KRT33A: variants seen among roughly 807,000 people sequenced by gnomAD.
KRT33A encodes keratin, type I cuticular Ha3-I.
In KRT33A, 44 loss-of-function variants were observed where a neutral mutation model predicts 41.1. That is an observed-to-expected ratio of 1.07 (90% CI 0.84 to 1.38). The LOEUF (loss-of-function observed/expected upper bound fraction) is 1.38. Among genes scored for constraint, KRT33A ranks in the 40% most tolerant of loss-of-function variants. KRT33A has a pLI of 0.00. For missense variants in KRT33A, 536 were observed against 518.5 expected, an observed-to-expected ratio of 1.03 and a Z score of -0.33; for synonymous variants, 229 against 227.8, an observed-to-expected ratio of 1.01 and a Z score of -0.05.
chr17:41,347,448 C>T (rs564348305), intron 3 of KRT33A, among the ~76,000 whole-genome samples: 1 of 152,342 alleles, frequency 6.6e-6, no homozygotes, highest in South Asian at 2.1e-4. Context: ...AAATGTATCA[C>T]TCCTCATTTA....
At chr17:41,349,507 CT>C (rs2017474743) in intron 1 of KRT33A, 79 bp from the exon 2 acceptor site, 1 of 1,414,620 alleles carries the variant, frequency 7.1e-7, no homozygotes, top group Non-Finnish European at 1.0e-6. Flanking sequence ...AATTCACTTC[CT>C]TGGAAGGATC....
Position 41,346,984 on chromosome 17 carries a change from G to A in KRT33A, c.751-15C>T. 1 of 1,613,784 alleles carries A rather than the reference G, an allele frequency of 6.2e-7. No individual in the cohort carries two copies. The highest frequency in any genetic ancestry group is 8.5e-7 in the Non-Finnish European group (1 of 1,179,886). ...AGCTCCTCGGTCTGAAACACCCAAGGGGAGAAAGGATCAGACCCTGCCTCC... is the reference window on the plus strand; with the variant it reads ...AGCTCCTCGGTCTGAAACACCCAAGAGGAGAAAGGATCAGACCCTGCCTCC... On this transcript the variant is annotated splice_polypyrimidine_tract_variant and intron_variant, in intron 4 of 6. Transcript: ENST00000007735.
chr17:41,346,207 T>C lies in KRT33A; in HGVS notation c.1127A>G (p.Asn376Ser). The C allele has an allele frequency of 6.2e-7, 1 of 1,613,978 alleles. No homozygotes were observed. The highest frequency in any genetic ancestry group is 8.5e-7 in the Non-Finnish European group (1 of 1,179,942). ...KLPSNPCATT[N>S]ACDKSTGPCI... ...GGGCCCAGTGGACTTGTCACATGCA[T>C]TGGTTGTGGCGCAGGGGTTGGAGGG... The change falls in exon 7 of 7, where the codon AAT becomes AGT. Residue 376 changes from asparagine (N) to serine (S), a missense_variant. Asn to Ser is a conservative substitution (Grantham distance 46). Coordinates refer to ENST00000007735, the MANE Select transcript of KRT33A (RefSeq NM_004138.4).
Position 41,350,461 on chromosome 17 carries a change from A to G in KRT33A, c.307T>C (p.Tyr103His). The G allele has an allele frequency of 6.2e-7, 1 of 1,614,058 alleles. No homozygotes were observed. Among genetic ancestry groups the G allele is most frequent in the Non-Finnish European group, 8.5e-7 (1 of 1,180,026 alleles). The change falls in exon 1 of 7, where the codon TAC becomes CAC. Residue 103 changes from tyrosine (Y) to histidine (H), a missense_variant. Tyr to His is a moderately conservative substitution (Grantham distance 83). Coordinates refer to ENST00000007735, the MANE Select transcript of KRT33A (RefSeq NM_004138.4). ...QQQEPLVCAS[Y>H]QSYFKTIEEL... is the part of the protein sequence containing the mutation. ...TCAATGGTCTTGAAGTAGGACTGGTAGCTGGCACACACCAAGGGCTCCTGC... is the reference window on the plus strand; with the variant it reads ...TCAATGGTCTTGAAGTAGGACTGGTGGCTGGCACACACCAAGGGCTCCTGC...
chr17:41,349,118 G>A, intron 2 of KRT33A, among the ~76,000 whole-genome samples: 1 of 152,208 alleles, frequency 6.6e-6, no homozygotes. Flanking sequence ...CTAACTCACA[G>A]TACGACTAGG....
In KRT33A at chr17:41,346,481, G is replaced by A. The variant is rs200739515; in HGVS notation, c.1064C>T (p.Thr355Met). 1.6e-5 allele frequency: 26 copies of A among 1,613,996 alleles called. No individual in the cohort carries two copies. The African/African-American group carries it at 2.4e-4, about 15-fold the overall frequency. The change falls in exon 6 of 7, where the codon ACG becomes ATG. Residue 355 changes from threonine (T) to methionine (M), a missense_variant. Physicochemically the swap from Thr to Met is moderately conservative, Grantham distance 81. Transcript: ENST00000007735. ...CTCGCTCTCCAGCAGGCTCCGGTAC[G>A]TGTTGATCTCACACTCCAGCCGCGC... ...VRARLECEIN[T>M]YRSLLESEDC...
chr17:41,350,456 C>G lies in KRT33A; in HGVS notation c.312G>C (p.Gln104His). The change falls in exon 1 of 7, where the codon CAG becomes CAC. Residue 104 changes from glutamine (Q) to histidine (H), a missense_variant. Transcript: ENST00000007735. ...QQEPLVCASY[Q>H]SYFKTIEELQ... ...GCTCCTCAATGGTCTTGAAGTAGGA[C>G]TGGTAGCTGGCACACACCAAGGGCT... 3 of 1,614,106 alleles carry G rather than the reference C, an allele frequency of 1.9e-6. No individual in the cohort carries two copies. The highest frequency in any genetic ancestry group is 2.5e-6 in the Non-Finnish European group (3 of 1,180,042).
At chr17:41,348,076 T>C (rs1021000050) in intron 3 of KRT33A, among the ~76,000 whole-genome samples, 1 of 152,350 alleles carries the variant, frequency 6.6e-6, no homozygotes, top group Middle Eastern at 3.4e-3. Flanking sequence ...CAGAAAGAGC[T>C]CTGGACAGGA....
In KRT33A at chr17:41,347,088, C is replaced by T. The variant is rs768332051; in HGVS notation, c.723G>A (p.Arg241=). 3 of 1,613,956 alleles carry T rather than the reference C, an allele frequency of 1.9e-6. No individual in the cohort carries two copies. The African/African-American group carries it at 4.0e-5, about 22-fold the overall frequency. Residue 241 remains arginine (R), a synonymous_variant, in exon 4 of 7, where the codon AGG becomes AGA. Coordinates refer to ENST00000007735, the MANE Select transcript of KRT33A (RefSeq NM_004138.4). ...QYEALVETNR[R]EVEQWFATQT... ...GCGTGGCGAACCATTGCTCCACTTC[C>T]CTGCGGTTGGTTTCCACCAGGGCCT...
intron 6 of KRT33A, 81 bp from the exon 7 acceptor site, chr17:41,346,317 G>T: frequency 6.4e-7 from 1 of 1,572,150 alleles, no homozygotes; most frequent in Non-Finnish European, 8.7e-7. Flanking sequence ...CTTTGTGTAA[G>T]AATATTGTTC....
rs377052091 is a variant in KRT33A at position 41,346,985 on chromosome 17, G to T, written c.751-16C>A. Reference sequence around the variant, plus strand: ...GCTCCTCGGTCTGAAACACCCAAGGGGAGAAAGGATCAGACCCTGCCTCCG... The same window carrying T: ...GCTCCTCGGTCTGAAACACCCAAGGTGAGAAAGGATCAGACCCTGCCTCCG... On this transcript the variant is annotated splice_polypyrimidine_tract_variant and intron_variant, in intron 4 of 6. Transcript: ENST00000007735. The T allele has an allele frequency of 1.2e-5, 19 of 1,613,664 alleles. No individual in the cohort carries two copies. The African/African-American group carries it at 2.5e-4, about 22-fold the overall frequency.
At position 41,346,436 on chromosome 17, in the gene KRT33A, C is replaced by T; in HGVS notation, c.1097+12G>A. 6.2e-7 allele frequency: 1 copy of T among 1,613,902 alleles called. No individual in the cohort carries two copies. Among genetic ancestry groups the T allele is most frequent in the Non-Finnish European group, 8.5e-7 (1 of 1,179,890 alleles). On this transcript the variant is annotated intron_variant, in intron 6 of 6. Transcript: ENST00000007735. ...CATGCCCCAAGGAGAAGATTACTAC[C>T]CCCATACTGACTTGCAGTCCTCGCT...
intron 2 of KRT33A, 128 bp from the exon 3 acceptor site, chr17:41,348,767 G>C (rs1314310277): frequency 6.0e-5 from 59 of 986,896 alleles, no homozygotes; most frequent in Non-Finnish European, 8.6e-5. Context: ...CTTTTGTTTA[G>C]GTTTTCAGCA....
In KRT33A at chr17:41,346,274, A is replaced by G. The variant is rs754348203; in HGVS notation, c.1098-38T>C. 6.2e-6 allele frequency: 10 copies of G among 1,601,170 alleles called. No homozygotes were observed. The South Asian group carries it at 1.1e-4, about 18-fold the overall frequency. On this transcript the variant is annotated intron_variant, in intron 6 of 6. Transcript: ENST00000007735. ...AATCATTGGAGCAAGTTAGAGTAAA[A>G]TGAGCTGAAGAGATTGGAAAATACT...
At chr17:41,348,976 A>G (rs1052327214) in intron 2 of KRT33A, among the ~76,000 whole-genome samples, 3 of 152,158 alleles carry the variant, frequency 2.0e-5, no homozygotes, top group Non-Finnish European at 2.9e-5. Context: ...CTCTAAAAAA[A>G]AGAAGAAAGC....
Position 41,348,596 on chromosome 17 carries a change from T to C in KRT33A, c.475A>G (p.Ile159Val), listed in dbSNP as rs2017458710. ...TCCAGGATCCTGCGCAGGCCATTGA[T>C]GTCCGACTCCACCAGCTGCCGCAGG... The part of the protein sequence containing the change: ...LSLRQLVESD[I>V]NGLRRILDEL... The change falls in exon 3 of 7, where the codon ATC (isoleucine) becomes GTC (valine). Residue 159 changes from isoleucine (I) to valine (V), a missense_variant. Ile to Val is a conservative substitution (Grantham distance 29). Transcript: ENST00000007735. 6.2e-7 allele frequency: 1 copy of C among 1,614,106 alleles called. No homozygotes were observed. The highest frequency in any genetic ancestry group is 1.6e-4 in the Middle Eastern group (1 of 6,062).
chr17:41,346,964 C>T lies in KRT33A; in HGVS notation c.756G>A (p.Glu252=). The change falls in exon 5 of 7, where the codon GAG becomes GAA. Residue 252 remains glutamate, a synonymous_variant. Transcript: ENST00000007735. ...EVEQWFATQT[E]ELNKQVVSSS... ...TGGATACCACCTGCTTGTTCAGCTCCTCGGTCTGAAACACCCAAGGGGAGA... is the reference window on the plus strand; with the variant it reads ...TGGATACCACCTGCTTGTTCAGCTCTTCGGTCTGAAACACCCAAGGGGAGA... The T allele has an allele frequency of 1.2e-6, 2 of 1,613,804 alleles. No homozygotes were observed. The highest frequency in any genetic ancestry group is 1.7e-6 in the Non-Finnish European group (2 of 1,179,996).
intron 5 of KRT33A, 84 bp from the exon 6 acceptor site, chr17:41,346,752 A>G: frequency 1.2e-6 from 2 of 1,608,036 alleles, no homozygotes; most frequent in South Asian, 2.2e-5. Context: ...ACAAGCTCCA[A>G]GAGCTAAGGA....
At position 41,348,476 on chromosome 17, in the gene KRT33A, A is replaced by T. The variant is rs756100953; in HGVS notation, c.588+7T>A. The T allele has an allele frequency of 6.2e-7, 1 of 1,613,792 alleles. No homozygotes were observed. Among genetic ancestry groups the T allele is most frequent in the East Asian group, 2.2e-5 (1 of 44,854 alleles). On this transcript the variant is annotated splice_region_variant and intron_variant, in intron 3 of 6. Transcript: ENST00000007735. ...AGTCTGAGCCCATCACTCTTCAGGG[A>T]ACTCACCTGCTCATGGTTCTGCTTG... is the stretch of plus-strand genomic sequence containing the variant.
Sources: allele counts gnomAD v4.1 joint callset (sites outside exome capture counted in the v4.1 genomes callset), GRCh38; gene constraint gnomAD v4.1.1; transcripts MANE v1.5; gene names NCBI Gene and HGNC (gene_info 2026-07-23, HGNC 2026-07-21).